Variants in EPHB1 observed in about 807,000 individuals in gnomAD.
The protein encoded by EPHB1 is EPH receptor B1.
Under a neutral mutation model 94.4 loss-of-function variants are expected in EPHB1, and 30 were observed. The ratio of observed to expected loss-of-function variants is 0.32; its 90% CI spans 0.24 to 0.43. EPHB1 has a LOEUF of 0.43. EPHB1 is among the 20% of genes least tolerant of loss of function. The pLI, the probability that EPHB1 is intolerant of heterozygous loss-of-function variation, is 1.00. For synonymous variants in EPHB1, 522 were observed against 489.1 expected, an observed-to-expected ratio of 1.07 and a Z score of -0.89; for missense variants, 1,055 against 1,308.3, an observed-to-expected ratio of 0.81 and a Z score of 2.99.
At chr3:135,092,188 G>T (rs1451716604) in intron 3 of EPHB1, among the ~76,000 whole-genome samples, 1 of 152,176 alleles carries the variant, frequency 6.6e-6, no homozygotes, top group Non-Finnish European at 1.5e-5. Flanking sequence ...GAAGGGTGGA[G>T]ACTGGGCCTT....
At chr3:134,843,704 CT>C (rs1266876951) in intron 1 of EPHB1, among the ~76,000 whole-genome samples, 2 of 151,784 alleles carry the variant, frequency 1.3e-5, no homozygotes, top group African/African-American at 4.8e-5. Flanking sequence ...AGTTATTGTT[CT>C]TTTCAACTCC....
chr3:135,220,794 C>T lies in EPHB1; in HGVS notation c.2346+19105C>T, dbSNP rs148469978. ...TATCTATAAAATGCGAATTCACAGCCCACTTGTGCCTGAGGCTGACCCCAG... is the reference window on the plus strand; with the variant it reads ...TATCTATAAAATGCGAATTCACAGCTCACTTGTGCCTGAGGCTGACCCCAG... On this transcript the variant is annotated intron_variant, in intron 12 of 15. Transcript: ENST00000398015. Among the ~76,000 whole-genome samples the T allele has an allele frequency of 6.1e-3, 930 of 152,140 alleles. 8 individuals are homozygous for T. The highest frequency in any genetic ancestry group is 0.02 in the Middle Eastern group (6 of 294).
At chr3:134,869,978 G>A (rs1292714614) in intron 1 of EPHB1, among the ~76,000 whole-genome samples, 3 of 152,184 alleles carry the variant, frequency 2.0e-5, no homozygotes, top group East Asian at 1.9e-4. Context: ...GGCTATTCTC[G>A]AGCCATTGCA....
intron 15 of EPHB1, among the ~76,000 whole-genome samples, chr3:135,257,954 C>G (rs1296985002): frequency 6.6e-6 from 1 of 152,118 alleles, no homozygotes; most frequent in South Asian, 2.1e-4. Context: ...GTGCAGTATT[C>G]GGGTGGGAGT....
chr3:135,092,694 C>T (rs1223852632), intron 3 of EPHB1, among the ~76,000 whole-genome samples: 2 of 147,630 alleles, frequency 1.4e-5, no homozygotes, highest in Non-Finnish European at 3.0e-5. Flanking sequence ...GGCACAATCT[C>T]GGCTCACTGC....
intron 4 of EPHB1, among the ~76,000 whole-genome samples, chr3:135,130,987 G>T (rs1940394930): frequency 6.6e-6 from 1 of 152,190 alleles, no homozygotes; most frequent in African/African-American, 2.4e-5. Flanking sequence ...AATATGGATG[G>T]TAATGAATTG....
intron 10 of EPHB1, among the ~76,000 whole-genome samples, chr3:135,181,904 TG>T (rs1667082861): frequency 6.6e-6 from 1 of 152,182 alleles, no homozygotes; most frequent in South Asian, 2.1e-4. Context: ...CATGTGATAT[TG>T]GGGAGAAATG....
chr3:135,249,500 T>G lies in EPHB1; in HGVS notation c.2846+9T>G, dbSNP rs1403253327. The G allele has an allele frequency of 1.2e-6, 2 of 1,611,882 alleles. No homozygotes were observed. Among genetic ancestry groups the G allele is most frequent in the Non-Finnish European group, 1.7e-6 (2 of 1,178,890 alleles). On this transcript the variant is annotated intron_variant, in intron 15 of 15. Transcript: ENST00000398015. Reference sequence around the variant, plus strand: ...ACCCAGATGACATCAGAGTAAGTGATGAGAATCTCTCTGTCCAGACCACAC... The same window carrying G: ...ACCCAGATGACATCAGAGTAAGTGAGGAGAATCTCTCTGTCCAGACCACAC...
chr3:135,162,935 T>G (rs181398562), intron 7 of EPHB1, among the ~76,000 whole-genome samples: 2 of 152,334 alleles, frequency 1.3e-5, no homozygotes, highest in East Asian at 3.9e-4. Context: ...GTTTATGTAA[T>G]TATTTGTGTA....
At chr3:134,828,183 T>C (rs1478743558) in intron 1 of EPHB1, among the ~76,000 whole-genome samples, 1 of 152,164 alleles carries the variant, frequency 6.6e-6, no homozygotes, top group African/African-American at 2.4e-5. Flanking sequence ...GGAATAAATG[T>C]GCAAAATTCA....
intron 5 of EPHB1, among the ~76,000 whole-genome samples, chr3:135,150,110 G>A (rs1034889562): frequency 6.6e-6 from 1 of 152,190 alleles, no homozygotes; most frequent in African/African-American, 2.4e-5. Context: ...GCTTTCCAGA[G>A]AGTAGAGGCA....
chr3:134,871,202 CAGTA>C (rs748763998), intron 1 of EPHB1, among the ~76,000 whole-genome samples: 4 of 152,278 alleles, frequency 2.6e-5, no homozygotes, highest in African/African-American at 7.2e-5. Flanking sequence ...GAGAGCAGTC[CAGTA>C]ATGATTACAG....
chr3:135,215,794 G>C (rs1431103042), intron 12 of EPHB1, among the ~76,000 whole-genome samples: 1 of 152,178 alleles, frequency 6.6e-6, no homozygotes, highest in African/African-American at 2.4e-5. Flanking sequence ...TCATGGATCT[G>C]AGGTGGAGCC....
chr3:135,161,000 G>T (rs1046972339), intron 6 of EPHB1, among the ~76,000 whole-genome samples: 1 of 152,170 alleles, frequency 6.6e-6, no homozygotes, highest in African/African-American at 2.4e-5. Flanking sequence ...TAAGAGTTTT[G>T]CCTTTGTATG....
At chr3:135,161,387 G>A (rs1404814229) in intron 6 of EPHB1, among the ~76,000 whole-genome samples, 2 of 152,132 alleles carry the variant, frequency 1.3e-5, no homozygotes, top group Non-Finnish European at 2.9e-5. Flanking sequence ...GAAAGTAGCT[G>A]GGGGATGCAC....
intron 12 of EPHB1, among the ~76,000 whole-genome samples, chr3:135,237,673 G>C (rs1485669798): frequency 1.3e-5 from 2 of 152,330 alleles, no homozygotes; most frequent in Admixed American, 1.3e-4. Context: ...CCCAGTGTCA[G>C]CACTTCTGTG....
intron 1 of EPHB1, among the ~76,000 whole-genome samples, chr3:134,818,382 T>G (rs2036310272): frequency 6.6e-6 from 1 of 152,220 alleles, no homozygotes; most frequent in Non-Finnish European, 1.5e-5. Flanking sequence ...TTTTAAAATT[T>G]TATTTGTCCA....
At chr3:135,229,405 AT>A (rs1943480386) in intron 12 of EPHB1, among the ~76,000 whole-genome samples, 1 of 152,226 alleles carries the variant, frequency 6.6e-6, no homozygotes, top group African/African-American at 2.4e-5. Flanking sequence ...TGCTTAAGCT[AT>A]TTAATGTGAC....
chr3:135,158,682 T>C (rs539991693), intron 6 of EPHB1, among the ~76,000 whole-genome samples: 8 of 152,320 alleles, frequency 5.3e-5, no homozygotes, highest in African/African-American at 1.9e-4. Context: ...TCCTGGAGCC[T>C]TTCCCATGTT....
Sources: gnomAD v4.1 joint callset for allele counts (sites outside exome capture counted in the v4.1 genomes callset) on GRCh38, gnomAD v4.1.1 for gene constraint, MANE v1.5 for transcripts, NCBI Gene and HGNC (gene_info 2026-07-23, HGNC 2026-07-21) for gene names.